Variants in FGGY observed in about 807,000 individuals in gnomAD.
FGGY encodes the protein FGGY carbohydrate kinase domain-containing protein.
A neutral mutation model predicts 71.3 loss-of-function variants in FGGY; 72 were observed. The observed-to-expected ratio is 1.01, with a 90% confidence interval of 0.84 to 1.23. FGGY has a LOEUF of 1.23. Among genes scored for constraint, FGGY ranks in the 50% most tolerant of loss-of-function variants. The probability of loss-of-function intolerance (pLI) is 0.00; values close to 1 mark genes in which losing one functional copy is unlikely to be tolerated. For synonymous variants in FGGY, 251 were observed against 250.3 expected, an observed-to-expected ratio of 1.00 and a Z score of -0.02; for missense variants, 668 against 682.3, an observed-to-expected ratio of 0.98 and a Z score of 0.23.
chr1:59,566,829 T>G (rs1260444981), intron 8 of FGGY, among the ~76,000 whole-genome samples: 1 of 152,202 alleles, frequency 6.6e-6, no homozygotes, highest in East Asian at 1.9e-4. Context: ...CTTGTATTTT[T>G]AAAACATCTA....
chr1:59,676,936 T>A (rs899536958), intron 14 of FGGY, among the ~76,000 whole-genome samples: 27 of 152,156 alleles, frequency 1.8e-4, no homozygotes, highest in Non-Finnish European at 3.4e-4. Flanking sequence ...TCTGGGTGCT[T>A]GTTTTATTTG....
chr1:59,524,066 C>T (rs2094909610), intron 7 of FGGY, among the ~76,000 whole-genome samples: 1 of 152,224 alleles, frequency 6.6e-6, no homozygotes, highest in Non-Finnish European at 1.5e-5. Context: ...GCCCAGGAAG[C>T]CCCCCTTCCT....
At chr1:59,480,502 GA>G (rs1362945247) in intron 6 of FGGY, among the ~76,000 whole-genome samples, 1 of 152,156 alleles carries the variant, frequency 6.6e-6, no homozygotes, top group East Asian at 1.9e-4. Context: ...TCAATGGCCA[GA>G]ACCGTATTAC....
chr1:59,660,195 CT>C, intron 11 of FGGY, 23 bp from the exon 12 acceptor site: 1 of 1,608,784 alleles, frequency 6.2e-7, no homozygotes, highest in Non-Finnish European at 8.5e-7. Flanking sequence ...CCATCTTCTT[CT>C]TTTCTTCCCT....
At chr1:59,620,828 G>T (rs1006102732) in intron 9 of FGGY, among the ~76,000 whole-genome samples, 2 of 151,982 alleles carry the variant, frequency 1.3e-5, no homozygotes, top group African/African-American at 4.8e-5. Flanking sequence ...AGCTCTTCAC[G>T]CTGTAGTTTG....
intron 8 of FGGY, among the ~76,000 whole-genome samples, chr1:59,589,233 C>T (rs560337195): frequency 7.2e-4 from 107 of 149,378 alleles, no homozygotes; most frequent in African/African-American, 2.6e-3. Flanking sequence ...TCAACAAGAG[C>T]TAACCATCCT....
chr1:59,662,172 T>C (rs1394391902), intron 12 of FGGY, among the ~76,000 whole-genome samples: 1 of 150,906 alleles, frequency 6.6e-6, no homozygotes, highest in Non-Finnish European at 1.5e-5. Context: ...ATACAAAAAT[T>C]AGCCAGGCAT....
chr1:59,518,835 T>C (rs773784920), intron 7 of FGGY, among the ~76,000 whole-genome samples: 12 of 152,248 alleles, frequency 7.9e-5, no homozygotes, highest in Non-Finnish European at 1.6e-4. Flanking sequence ...CTCTGTCTTC[T>C]ATAAACTGTT....
intron 5 of FGGY, among the ~76,000 whole-genome samples, chr1:59,414,529 C>A (rs2064067827): frequency 6.6e-6 from 1 of 152,190 alleles, no homozygotes; most frequent in African/African-American, 2.4e-5. Flanking sequence ...TCTGGGGGCA[C>A]CTGTGTCCCT....
At chr1:59,520,810 G>C (rs1007818061) in intron 7 of FGGY, among the ~76,000 whole-genome samples, 1 of 152,128 alleles carries the variant, frequency 6.6e-6, no homozygotes, top group African/African-American at 2.4e-5. Context: ...AATGTCACCT[G>C]GTACCCAGAG....
At chr1:59,618,552 A>G (rs1167796979) in intron 9 of FGGY, among the ~76,000 whole-genome samples, 2 of 152,258 alleles carry the variant, frequency 1.3e-5, no homozygotes, top group South Asian at 2.1e-4. Context: ...GTCCGTTAAC[A>G]TGACATTCTC....
intron 4 of FGGY, among the ~76,000 whole-genome samples, chr1:59,352,593 T>C (rs1439156849): frequency 6.6e-6 from 1 of 151,454 alleles, no homozygotes; most frequent in East Asian, 1.9e-4. Flanking sequence ...GGTAGATTCT[T>C]TGGGGGGAAC....
intron 6 of FGGY, 84 bp downstream of exon 6, chr1:59,457,160 T>C: frequency 1.9e-6 from 2 of 1,025,976 alleles, no homozygotes; most frequent in South Asian, 1.4e-5. Context: ...TGTATGTTTC[T>C]TGTTTTTGTA....
Position 59,644,711 on chromosome 1 carries a change from C to T in FGGY, c.1221+6336C>T, listed in dbSNP as rs569990153. ...GATGAATATAGGCCGGGTGCGGTGGCTCACGCCTGTAATCCCAGCACTTTG... is the reference window on the plus strand; with the variant it reads ...GATGAATATAGGCCGGGTGCGGTGGTTCACGCCTGTAATCCCAGCACTTTG... On this transcript the variant is annotated intron_variant, in intron 11 of 15. Coordinates refer to ENST00000303721, the MANE Select transcript of FGGY (RefSeq NM_018291.5). Among the ~76,000 whole-genome samples, 3 of 151,936 alleles carry T rather than the reference C, an allele frequency of 2.0e-5. No homozygotes were observed. In the East Asian group the frequency reaches 5.8e-4, roughly 30 times the overall value.
chr1:59,615,885 C>G (rs1269566468), intron 9 of FGGY, among the ~76,000 whole-genome samples: 1 of 152,118 alleles, frequency 6.6e-6, no homozygotes, highest in East Asian at 1.9e-4. Flanking sequence ...AGCCAAAAGA[C>G]ACATGAAAAA....
intron 14 of FGGY, among the ~76,000 whole-genome samples, chr1:59,740,341 C>T (rs2098137453): frequency 6.6e-6 from 1 of 152,144 alleles, no homozygotes; most frequent in South Asian, 2.1e-4. Flanking sequence ...GAGAGATGAC[C>T]TCCTGTTTAT....
chr1:59,442,623 A>G (rs1184369213), intron 5 of FGGY, among the ~76,000 whole-genome samples: 1 of 152,072 alleles, frequency 6.6e-6, no homozygotes, highest in East Asian at 1.9e-4. Context: ...CTTTGTGTCA[A>G]AGGGATACTG....
chr1:59,717,599 T>C (rs1414489206), intron 14 of FGGY, among the ~76,000 whole-genome samples: 1 of 152,096 alleles, frequency 6.6e-6, no homozygotes, highest in East Asian at 1.9e-4. Flanking sequence ...CTGAAGAACT[T>C]ATGCCAAGAA....
intron 5 of FGGY, among the ~76,000 whole-genome samples, chr1:59,400,112 C>G (rs1403414363): frequency 6.6e-6 from 1 of 152,156 alleles, no homozygotes; most frequent in African/African-American, 2.4e-5. Context: ...CAGCAACAAT[C>G]CCTTAGTCTG....
Sources: gnomAD v4.1 joint callset for allele counts (sites outside exome capture counted in the v4.1 genomes callset) on GRCh38, gnomAD v4.1.1 for gene constraint, MANE v1.5 for transcripts, NCBI Gene and HGNC (gene_info 2026-07-23, HGNC 2026-07-21) for gene names.